The following VTI1A variants were observed in gnomAD, a reference collection of about 807,000 sequenced individuals.
The protein encoded by VTI1A is vesicle transport through interaction with t-SNAREs homolog 1A.
Under a neutral mutation model 34.9 loss-of-function variants are expected in VTI1A, and 22 were observed. The ratio of observed to expected loss-of-function variants is 0.63; its 90% CI spans 0.45 to 0.90. The LOEUF is 0.90. Ranked by LOEUF, VTI1A falls within the 40% of genes least tolerant of loss-of-function variation. The pLI is 0.00. For synonymous variants in VTI1A, 87 were observed against 97.3 expected (o/e 0.89, Z 0.62); for missense variants, 268 against 275.6 (o/e 0.97, Z 0.20).
intron 5 of VTI1A, among the ~76,000 whole-genome samples, chr10:112,643,690 C>T (rs1045932724): frequency 2.6e-5 from 4 of 152,096 alleles, no homozygotes; most frequent in African/African-American, 7.2e-5. Context: ...GCATAAGCTA[C>T]GAAAGACTTC....
chr10:112,706,314 G>A (rs1849196955), intron 7 of VTI1A, among the ~76,000 whole-genome samples: 1 of 152,100 alleles, frequency 6.6e-6, no homozygotes. Context: ...TAAAGGGAGT[G>A]GACACGTTTA....
intron 3 of VTI1A, among the ~76,000 whole-genome samples, chr10:112,507,750 A>G (rs1849480638): frequency 6.6e-6 from 1 of 152,122 alleles, no homozygotes; most frequent in South Asian, 2.1e-4. Context: ...AGGAAAAAGC[A>G]TTGGCTGGTT....
At chr10:112,749,677 C>T (rs556066520) in intron 7 of VTI1A, among the ~76,000 whole-genome samples, 3 of 152,272 alleles carry the variant, frequency 2.0e-5, no homozygotes, top group African/African-American at 7.2e-5. Context: ...CTGCAAGATA[C>T]CTGGATTGCT....
chr10:112,510,590 T>A (rs1849572331), intron 3 of VTI1A, among the ~76,000 whole-genome samples: 1 of 152,118 alleles, frequency 6.6e-6, no homozygotes, highest in Non-Finnish European at 1.5e-5. Flanking sequence ...GAGCTATGAC[T>A]GTGCCACTGG....
chr10:112,469,944 C>T (rs1299241820), intron 3 of VTI1A, among the ~76,000 whole-genome samples: 1 of 152,228 alleles, frequency 6.6e-6, no homozygotes, highest in Non-Finnish European at 1.5e-5. Context: ...ACTTGCTGCA[C>T]TCCCTGTGGG....
chr10:112,713,940 G>A (rs1342104700), intron 7 of VTI1A, among the ~76,000 whole-genome samples: 1 of 152,140 alleles, frequency 6.6e-6, no homozygotes, highest in Non-Finnish European at 1.5e-5. Context: ...AGGCAAGATA[G>A]CAAAAGAGGT....
At chr10:112,791,710 C>T (rs1345102410) in intron 7 of VTI1A, among the ~76,000 whole-genome samples, 1 of 152,080 alleles carries the variant, frequency 6.6e-6, no homozygotes, top group Non-Finnish European at 1.5e-5. Flanking sequence ...AAGGCAGCCT[C>T]CTTTTTTCTT....
At chr10:112,842,560 TCA>T in the VTI1A span, among the ~76,000 whole-genome samples, 2 of 152,234 alleles carry the variant, frequency 1.3e-5, no homozygotes, top group Non-Finnish European at 2.9e-5. Context: ...TCTCTGGGCC[TCA>T]GTTTTTCCCA....
At chr10:112,808,044 C>A (rs1473857466) in intron 7 of VTI1A, among the ~76,000 whole-genome samples, 1 of 151,414 alleles carries the variant, frequency 6.6e-6, no homozygotes, top group East Asian at 2.0e-4. Flanking sequence ...ATAGTGAGAC[C>A]CTGTCTTTAC....
intron 5 of VTI1A, among the ~76,000 whole-genome samples, chr10:112,625,455 A>G (rs1470848340): frequency 2.4e-4 from 36 of 152,220 alleles, no homozygotes. Flanking sequence ...CCTGGCCAAC[A>G]TGGTGAAACC....
chr10:112,842,169 CAAG>C, the VTI1A span, among the ~76,000 whole-genome samples: 1 of 135,474 alleles, frequency 7.4e-6, no homozygotes, highest in Non-Finnish European at 1.5e-5. Context: ...TTCGCAGAAA[CAAG>C]GAGTTCTTTA....
intron 7 of VTI1A, among the ~76,000 whole-genome samples, chr10:112,744,351 C>T (rs1267158724): frequency 2.0e-5 from 3 of 152,118 alleles, no homozygotes; most frequent in African/African-American, 7.2e-5. Context: ...AAAAATATTT[C>T]CTTGCAGAAA....
At chr10:112,628,049 T>G (rs115886612) in intron 5 of VTI1A, among the ~76,000 whole-genome samples, 2,190 of 152,226 alleles carry the variant, frequency 0.014, 49 homozygotes, top group African/African-American at 0.051. Context: ...ACCACACGTT[T>G]TTCTTTTTAA....
At chr10:112,775,817 C>A (rs1352555556) in intron 7 of VTI1A, among the ~76,000 whole-genome samples, 2 of 152,260 alleles carry the variant, frequency 1.3e-5, no homozygotes, top group East Asian at 1.9e-4. Context: ...TGTGTGTGTA[C>A]CTCCAAATAT....
chr10:112,497,984 T>C (rs2134144816), intron 3 of VTI1A, among the ~76,000 whole-genome samples: 1 of 152,308 alleles, frequency 6.6e-6, no homozygotes, highest in East Asian at 1.9e-4. Flanking sequence ...TTCAGCTGAC[T>C]CCCCACTGTT....
Position 112,816,627 on chromosome 10 carries a change from G to A in VTI1A, c.*1244G>A. On this transcript the variant is annotated 3_prime_UTR_variant, in exon 8 of 8. Coordinates refer to ENST00000393077, the MANE Select transcript of VTI1A (RefSeq NM_145206.4). ...CAGGCTTAAAAGTTGCCCAAGCTGA[G>A]GTCGTTTCCCCCCAGTCACAAAGCA... 1 of 227,324 alleles carries A rather than the reference G, an allele frequency of 4.4e-6. No individual in the cohort carries two copies. The highest frequency in any genetic ancestry group is 8.7e-6 in the Non-Finnish European group (1 of 114,286). The allele number at this position is 227,324 out of a possible 1,614,324, so 14.1% of individuals were successfully genotyped here. A position where few individuals can be genotyped will look rare whatever the true frequency, so the allele number is the denominator to read the frequency against.
At chr10:112,543,012 CT>C (rs148986528) in intron 5 of VTI1A, among the ~76,000 whole-genome samples, 2,346 of 152,276 alleles carry the variant, frequency 0.015, 30 homozygotes, top group South Asian at 0.026. Context: ...TGAACTCCTC[CT>C]TTTTTATGGC....
At chr10:112,765,407 A>C (rs1181620859) in intron 7 of VTI1A, among the ~76,000 whole-genome samples, 1 of 152,044 alleles carries the variant, frequency 6.6e-6, no homozygotes, top group Non-Finnish European at 1.5e-5. Flanking sequence ...GCAGGATTTC[A>C]CCATTTTGGC....
intron 5 of VTI1A, among the ~76,000 whole-genome samples, chr10:112,663,722 A>G (rs994455099): frequency 2.6e-5 from 4 of 152,192 alleles, no homozygotes; most frequent in East Asian, 1.9e-4. Flanking sequence ...CAACCACTCC[A>G]TGATCAGATC....
Sources: allele counts gnomAD v4.1 joint callset (sites outside exome capture counted in the v4.1 genomes callset), GRCh38; gene constraint gnomAD v4.1.1; transcripts MANE v1.5; gene names NCBI Gene and HGNC (gene_info 2026-07-23, HGNC 2026-07-21).